SEMA6D: variants seen among roughly 807,000 people sequenced by gnomAD.
SEMA6D encodes the protein semaphorin 6D.
A neutral mutation model predicts 106.6 loss-of-function variants in SEMA6D; 35 were observed. The observed-to-expected ratio is 0.33, with a 90% CI of 0.25 to 0.44. The LOEUF is 0.44. SEMA6D is among the 20% of genes least tolerant of loss of function. The pLI, the probability that SEMA6D is intolerant of heterozygous loss-of-function variation, is 1.00. For synonymous variants in SEMA6D, 499 were observed against 487.7 expected, an observed-to-expected ratio of 1.02 and a Z score of -0.31; for missense variants, 1,185 against 1,345.9, an observed-to-expected ratio of 0.88 and a Z score of 1.87.
chr15:47,376,679 GGAGCACTGGCT>G (rs2039460256), intron 1 of SEMA6D, among the ~76,000 whole-genome samples: 1 of 152,186 alleles, frequency 6.6e-6, no homozygotes, highest in Non-Finnish European at 1.5e-5. Context: ...GGGAAGCTGG[GGAGCACTGGCT>G]CTTTATTAGG....
intron 1 of SEMA6D, among the ~76,000 whole-genome samples, chr15:47,232,194 C>T (rs1000312150): frequency 6.6e-5 from 10 of 152,014 alleles, no homozygotes; most frequent in Admixed American, 3.3e-4. Flanking sequence ...TTCAGTCTCT[C>T]GTATGACTGC....
In SEMA6D at chr15:47,350,245, A is replaced by G. The variant is rs193048608; in HGVS notation, c.-238-62148A>G. On this transcript the variant is annotated intron_variant, in intron 1 of 19. Transcript: ENST00000558014. ...TTGTCAAACCTGCTCTGAACTCCTT[A>G]ACCAGGGCAGTCACTAGGCCAGAAA... is the stretch of plus-strand genomic sequence containing the variant. 1.2e-4 allele frequency among the ~76,000 whole-genome samples: 18 copies of G among 149,980 alleles called. No homozygotes were observed. The East Asian group carries it at 2.2e-3, about 18-fold the overall frequency.
chr15:47,331,589 A>G (rs559036584), intron 1 of SEMA6D, among the ~76,000 whole-genome samples: 1 of 152,306 alleles, frequency 6.6e-6, no homozygotes, highest in African/African-American at 2.4e-5. Context: ...ATATGCATAA[A>G]CATGTGGGTG....
chr15:47,766,906 T>G, intron 16 of SEMA6D, 131 bp from the exon 17 acceptor site: 1 of 617,496 alleles, frequency 1.6e-6, no homozygotes, highest in South Asian at 2.4e-5. Flanking sequence ...AGAGAGGTAG[T>G]CTAACCAGTA....
At chr15:47,188,602 ATCATAT>A (rs796092892) in intron 1 of SEMA6D, among the ~76,000 whole-genome samples, 2 of 152,298 alleles carry the variant, frequency 1.3e-5, no homozygotes, top group South Asian at 2.1e-4. Flanking sequence ...TTAATTTATT[ATCATAT>A]AAGACTCCTT....
intron 2 of SEMA6D, among the ~76,000 whole-genome samples, chr15:47,439,418 A>C (rs1020101959): frequency 2.0e-5 from 3 of 152,124 alleles, no homozygotes; most frequent in Admixed American, 2.0e-4. Context: ...CTGTTTATAT[A>C]GTTACTAGAA....
intron 4 of SEMA6D, among the ~76,000 whole-genome samples, chr15:47,614,071 A>C (rs10744952): frequency 0.36 from 54,309 of 152,046 alleles, 9,858 homozygotes; most frequent in East Asian, 0.51. Context: ...AATTCATTAC[A>C]AAATGTCAGC....
At chr15:47,502,649 C>T (rs1293388000) in intron 3 of SEMA6D, among the ~76,000 whole-genome samples, 2 of 152,182 alleles carry the variant, frequency 1.3e-5, no homozygotes, top group African/African-American at 4.8e-5. Flanking sequence ...AGATGGCTCC[C>T]TTCTATTCCA....
In SEMA6D at chr15:47,257,336, C is replaced by A. The variant is rs185294229; in HGVS notation, c.-239+72918C>A. On this transcript the variant is annotated intron_variant, in intron 1 of 19. Coordinates refer to the SEMA6D transcript ENST00000558014. ...CCCCCCAAAGTTCTGGGATTACAGG[C>A]GTGAGCCACTGCACCCGACCAATTC... 7.2e-5 allele frequency among the ~76,000 whole-genome samples: 11 copies of A among 152,260 alleles called. No individual in the cohort carries two copies. In the East Asian group the frequency reaches 1.9e-3, roughly 27 times the overall value.
intron 3 of SEMA6D, among the ~76,000 whole-genome samples, chr15:47,587,699 G>A (rs7173742): frequency 0.032 from 4,916 of 152,206 alleles, 268 homozygotes; most frequent in African/African-American, 0.11. Context: ...TGAATATAGC[G>A]GTGTTCCAGT....
intron 1 of SEMA6D, among the ~76,000 whole-genome samples, chr15:47,759,159 C>T (rs1053408955): frequency 2.0e-5 from 3 of 152,064 alleles, no homozygotes; most frequent in Admixed American, 6.6e-5. Context: ...CAGGGTCATT[C>T]GTGTCATTGT....
chr15:47,326,698 C>T (rs2037145537), intron 1 of SEMA6D, among the ~76,000 whole-genome samples: 1 of 152,160 alleles, frequency 6.6e-6, no homozygotes, highest in Non-Finnish European at 1.5e-5. Flanking sequence ...CTGTTAAGCA[C>T]CGCTTGTTGA....
At chr15:47,190,359 C>A (rs947397313) in intron 1 of SEMA6D, among the ~76,000 whole-genome samples, 3 of 152,110 alleles carry the variant, frequency 2.0e-5, no homozygotes, top group African/African-American at 7.2e-5. Flanking sequence ...GAAAATTTAC[C>A]AAGTGTATTA....
chr15:47,434,554 A>G (rs771359856), intron 2 of SEMA6D, among the ~76,000 whole-genome samples: 1 of 152,096 alleles, frequency 6.6e-6, no homozygotes, highest in Non-Finnish European at 1.5e-5. Flanking sequence ...ATATATAAAC[A>G]TAACTTTTTT....
At chr15:47,726,111 C>T (rs1032711106) in intron 1 of SEMA6D, among the ~76,000 whole-genome samples, 7 of 152,244 alleles carry the variant, frequency 4.6e-5, no homozygotes, top group African/African-American at 1.7e-4. Flanking sequence ...GGGCAAGCTG[C>T]CTCCCCCTGC....
chr15:47,662,879 A>ACT (rs2077954273), intron 4 of SEMA6D, among the ~76,000 whole-genome samples: 2 of 152,040 alleles, frequency 1.3e-5, no homozygotes, highest in African/African-American at 4.8e-5. Context: ...ACACACACAC[A>ACT]CACACACACC....
chr15:47,420,445 T>C (rs1331452569), intron 2 of SEMA6D, among the ~76,000 whole-genome samples: 1 of 152,110 alleles, frequency 6.6e-6, no homozygotes, highest in Non-Finnish European at 1.5e-5. Context: ...AATAAATGTA[T>C]GTCCATTGCC....
At chr15:47,638,539 C>T (rs2077431854) in intron 4 of SEMA6D, among the ~76,000 whole-genome samples, 1 of 152,050 alleles carries the variant, frequency 6.6e-6, no homozygotes, top group Non-Finnish European at 1.5e-5. Flanking sequence ...CAATGTTTGA[C>T]AATAATCAGA....
Position 47,300,072 on chromosome 15 carries a change from A to G in SEMA6D, c.-238-112321A>G, listed in dbSNP as rs529603387. Among the ~76,000 whole-genome samples the G allele has an allele frequency of 2.0e-5, 3 of 152,282 alleles. No individual in the cohort carries two copies. The South Asian group carries it at 6.2e-4, about 32-fold the overall frequency. On this transcript the variant is annotated intron_variant, in intron 1 of 19. Coordinates refer to the SEMA6D transcript ENST00000558014. Reference sequence around the variant, plus strand: ...TTAGGGAGCCTCAGAATATTTGGAGAGTCTGATTAATCTGAGCAAACTTGG... The same window carrying G: ...TTAGGGAGCCTCAGAATATTTGGAGGGTCTGATTAATCTGAGCAAACTTGG...
Sources: allele counts gnomAD v4.1 joint callset (sites outside exome capture counted in the v4.1 genomes callset), GRCh38; gene constraint gnomAD v4.1.1; transcripts MANE v1.5; gene names NCBI Gene and HGNC (gene_info 2026-07-23, HGNC 2026-07-21).